Variants in RBMS1 observed in about 807,000 individuals in gnomAD.
The protein encoded by RBMS1 is RNA binding motif single stranded interacting protein 1.
In RBMS1, 17 loss-of-function variants were observed where a neutral mutation model predicts 62.3. The observed-to-expected ratio is 0.27, with a 90% CI of 0.19 to 0.41. The LOEUF is 0.41. Among genes scored for constraint, RBMS1 ranks in the 10% least tolerant of loss-of-function variants. The pLI is 1.00. For missense variants in RBMS1, 334 were observed against 504.5 expected (o/e 0.66, Z 3.24); for synonymous variants, 172 against 170.0 (o/e 1.01, Z -0.09).
chr2:160,356,540 C>G (rs1230233295), intron 2 of RBMS1, among the ~76,000 whole-genome samples: 1 of 152,102 alleles, frequency 6.6e-6, no homozygotes, highest in Non-Finnish European at 1.5e-5. Context: ...AGGATGAGCT[C>G]TGGAGTCAGA....
chr2:160,451,141 A>G (rs961825429), intron 1 of RBMS1, among the ~76,000 whole-genome samples: 2 of 150,366 alleles, frequency 1.3e-5, no homozygotes, highest in African/African-American at 4.9e-5. Flanking sequence ...TGGGTGACAG[A>G]GCAAGACCAT....
chr2:160,471,478 T>C (rs1025635820), intron 1 of RBMS1, among the ~76,000 whole-genome samples: 98 of 151,798 alleles, frequency 6.5e-4, no homozygotes, highest in African/African-American at 2.3e-3. Flanking sequence ...CATCAACTTA[T>C]GGAAAAATTA....
chr2:160,493,561 TCCTCCTCCTCTTCC>T lies in RBMS1; in HGVS notation c.-212_-199del. On this transcript the variant is annotated 5_prime_UTR_variant, in exon 1 of 14. Transcript: ENST00000348849. The stretch of plus-strand genomic sequence containing the variant: ...CTCCTCTTCCTCCTCCTCCTCCTCC[TCCTCCTCCTCTTCC>T]TCCTCCTCCTCCTCCTCCCAGGCAG... 2 of 609,270 alleles carry T rather than the reference TCCTCCTCCTCTTCC, an allele frequency of 3.3e-6. No individual in the cohort carries two copies. The highest frequency in any genetic ancestry group is 5.8e-6 in the Non-Finnish European group (2 of 346,536). The allele number at this position is 609,270 out of a possible 1,614,324, so 37.7% of individuals were successfully genotyped here.
At chr2:160,322,828 ATC>A (rs957886859) in intron 2 of RBMS1, among the ~76,000 whole-genome samples, 3 of 152,212 alleles carry the variant, frequency 2.0e-5, no homozygotes, top group Non-Finnish European at 4.4e-5. Context: ...CAACTTGGAT[ATC>A]TTATTGTGGC....
At chr2:160,365,384 G>T (rs1339845135) in intron 2 of RBMS1, among the ~76,000 whole-genome samples, 1 of 152,142 alleles carries the variant, frequency 6.6e-6, no homozygotes, top group Non-Finnish European at 1.5e-5. Flanking sequence ...CGTTATTGCT[G>T]CTATTGATAA....
chr2:160,456,452 A>C (rs1337500259), intron 1 of RBMS1, among the ~76,000 whole-genome samples: 2 of 152,240 alleles, frequency 1.3e-5, no homozygotes, highest in Non-Finnish European at 2.9e-5. Context: ...GGCTTAAATA[A>C]AATACAGTAT....
At chr2:160,302,040 T>A (rs1689235148) in intron 5 of RBMS1, among the ~76,000 whole-genome samples, 2 of 152,178 alleles carry the variant, frequency 1.3e-5, no homozygotes, top group African/African-American at 4.8e-5. Flanking sequence ...TACATGGGCT[T>A]TTAGATTAGA....
chr2:160,372,393 G>A (rs1202667370), intron 1 of RBMS1, among the ~76,000 whole-genome samples: 2 of 152,096 alleles, frequency 1.3e-5, no homozygotes, highest in Non-Finnish European at 2.9e-5. Context: ...CAGCAGGTTG[G>A]TTTAATACAT....
chr2:160,395,221 A>C (rs1695072226), intron 1 of RBMS1, among the ~76,000 whole-genome samples: 1 of 152,248 alleles, frequency 6.6e-6, no homozygotes, highest in Non-Finnish European at 1.5e-5. Context: ...TTTCTTTGTA[A>C]AATGAGTATT....
intron 1 of RBMS1, among the ~76,000 whole-genome samples, chr2:160,383,032 G>A (rs1694357756): frequency 6.6e-6 from 1 of 152,168 alleles, no homozygotes; most frequent in Admixed American, 6.5e-5. Context: ...AATTTAAGAT[G>A]AAATATCAAT....
chr2:160,278,746 GTT>G (rs1574200925), intron 10 of RBMS1, 88 bp from the exon 11 acceptor site: 2 of 795,516 alleles, frequency 2.5e-6, no homozygotes, highest in Non-Finnish European at 4.0e-6. Context: ...AAATACCTTA[GTT>G]TGTTTAAGAA....
chr2:160,477,779 A>C (rs1685204006), intron 1 of RBMS1, among the ~76,000 whole-genome samples: 1 of 152,182 alleles, frequency 6.6e-6, no homozygotes, highest in Non-Finnish European at 1.5e-5. Context: ...TTTAGACTTT[A>C]TATCTTTCCG....
chr2:160,282,434 G>T, intron 9 of RBMS1: 2 of 711,230 alleles, frequency 2.8e-6, no homozygotes, highest in Non-Finnish European at 4.6e-6. Context: ...ATAAGCTTAT[G>T]GTGGTTTAGT....
chr2:160,491,549 G>A (rs539044182), intron 1 of RBMS1, among the ~76,000 whole-genome samples: 1 of 152,284 alleles, frequency 6.6e-6, no homozygotes, highest in Non-Finnish European at 1.5e-5. Flanking sequence ...ACATTAAATG[G>A]TATGGACTTG....
At chr2:160,492,549 C>G (rs2105371722) in intron 1 of RBMS1, among the ~76,000 whole-genome samples, 1 of 152,312 alleles carries the variant, frequency 6.6e-6, no homozygotes, top group South Asian at 2.1e-4. Flanking sequence ...TAACCAAATA[C>G]GAAGTCACTT....
At chr2:160,442,745 T>C (rs1483600243) in intron 1 of RBMS1, among the ~76,000 whole-genome samples, 2 of 152,262 alleles carry the variant, frequency 1.3e-5, no homozygotes, top group African/African-American at 2.4e-5. Context: ...ATCCACGACT[T>C]GTTCCTGTAC....
At chr2:160,437,853 C>T (rs1012766661) in intron 1 of RBMS1, among the ~76,000 whole-genome samples, 2 of 152,170 alleles carry the variant, frequency 1.3e-5, no homozygotes, top group Non-Finnish European at 2.9e-5. Context: ...TTCCAATTAT[C>T]GCCATATTGA....
At chr2:160,439,418 G>C (rs1683294997) in intron 1 of RBMS1, among the ~76,000 whole-genome samples, 2 of 151,998 alleles carry the variant, frequency 1.3e-5, no homozygotes, top group African/African-American at 4.8e-5. Context: ...TCCCGGACGG[G>C]GCGGCAGGGC....
Position 160,278,622 on chromosome 2 carries a change from A to G in RBMS1, c.988T>C (p.Ser330Pro). ...VLTPSMEHTM[S>P]LQPASMISPL... is the part of the protein sequence containing the mutation. ...CTGATCATTGATGCGGGCTGTAGTG[A>G]CATGGTGTGCTCCATTGAGGGAGTT... Residue 330 changes from serine to proline, a missense_variant, in exon 11 of 14, where the codon TCA becomes CCA. Coordinates refer to ENST00000348849, the MANE Select transcript of RBMS1 (RefSeq NM_016836.4). 6.2e-7 allele frequency: 1 copy of G among 1,613,634 alleles called. No homozygotes were observed. The highest frequency in any genetic ancestry group is 8.5e-7 in the Non-Finnish European group (1 of 1,179,788).
Sources: gnomAD v4.1 joint callset for allele counts (sites outside exome capture counted in the v4.1 genomes callset) on GRCh38, gnomAD v4.1.1 for gene constraint, MANE v1.5 for transcripts, NCBI Gene and HGNC (gene_info 2026-07-23, HGNC 2026-07-21) for gene names.